The following TSHZ2 variants were observed in gnomAD, a reference collection of about 807,000 sequenced individuals.
The protein encoded by TSHZ2 is teashirt homolog 2.
TSHZ2 carries 21 observed loss-of-function variants against 74.4 expected under a neutral mutation model. The ratio of observed to expected loss-of-function variants is 0.28; its 90% CI spans 0.20 to 0.41. TSHZ2 has a LOEUF of 0.41. Ranked by LOEUF, TSHZ2 falls within the 10% of genes least tolerant of loss-of-function variation. The probability of loss-of-function intolerance (pLI) is 1.00; values close to 1 mark genes in which losing one functional copy is unlikely to be tolerated. For synonymous variants in TSHZ2, 540 were observed against 515.3 expected (o/e 1.05, Z -0.65); for missense variants, 1,244 against 1,293.5 (o/e 0.96, Z 0.59).
chr20:53,276,362 T>C (rs996014371), intron 2 of TSHZ2, among the ~76,000 whole-genome samples: 8 of 152,126 alleles, frequency 5.3e-5, no homozygotes, highest in African/African-American at 1.9e-4. Context: ...TCCAGGACAG[T>C]GTGTCTGCCA....
intron 1 of TSHZ2, among the ~76,000 whole-genome samples, chr20:53,217,584 A>G (rs1989465616): frequency 6.6e-6 from 1 of 152,198 alleles, no homozygotes; most frequent in South Asian, 2.1e-4. Context: ...GATGGGGACC[A>G]TGGCAGATCC....
chr20:53,097,140 C>T (rs573906984), intron 1 of TSHZ2, among the ~76,000 whole-genome samples: 1 of 152,188 alleles, frequency 6.6e-6, no homozygotes, highest in East Asian at 1.9e-4. Flanking sequence ...TGCCAAACAT[C>T]CCCTGGGACA....
intron 2 of TSHZ2, among the ~76,000 whole-genome samples, chr20:53,431,623 G>T (rs1384186013): frequency 6.6e-6 from 1 of 152,110 alleles, no homozygotes. Context: ...CAACAACCCT[G>T]TGAGGTAGGA....
intron 1 of TSHZ2, among the ~76,000 whole-genome samples, chr20:53,197,693 C>T (rs1337625062): frequency 2.0e-5 from 3 of 152,174 alleles, no homozygotes; most frequent in African/African-American, 4.8e-5. Context: ...CCGAGTCTCC[C>T]GTTTCTGCAA....
chr20:53,466,254 TAAAAATAAAAAAAAAAAAAGAAAGAG>T (rs1424312202), intron 2 of TSHZ2, among the ~76,000 whole-genome samples: 8 of 60,194 alleles, frequency 1.3e-4, no homozygotes, highest in Non-Finnish European at 1.4e-4. Flanking sequence ...CCTCGAAAAA[TAAAAATAAAAAAAAAAAAAGAAAGAG>T]AAAAAGGAAA....
At chr20:53,217,749 GGGCTACATTT>G (rs1193904621) in intron 1 of TSHZ2, among the ~76,000 whole-genome samples, 1 of 152,166 alleles carries the variant, frequency 6.6e-6, no homozygotes, top group South Asian at 2.1e-4. Context: ...ATATGGCTAA[GGGCTACATTT>G]GATCCACTGC....
intron 2 of TSHZ2, among the ~76,000 whole-genome samples, chr20:53,329,671 G>A (rs867185632): frequency 4.6e-5 from 7 of 152,020 alleles, no homozygotes; most frequent in Non-Finnish European, 5.9e-5. Context: ...GGGGGAGGGC[G>A]TAAAAAGAGG....
intron 1 of TSHZ2, among the ~76,000 whole-genome samples, chr20:53,027,113 CA>C (rs5841922): frequency 0.71 from 107,078 of 151,002 alleles, 38,816 homozygotes; most frequent in East Asian, 0.96. Context: ...TATTCTAATA[CA>C]AAAAAAAAAT....
chr20:53,471,803 CT>C (rs58027394), intron 2 of TSHZ2, among the ~76,000 whole-genome samples: 61,491 of 87,896 alleles, frequency 0.7, 20,546 homozygotes, highest in Admixed American at 0.76. Context: ...CTTTTCTTTT[CT>C]TTTTTTTTTT....
At chr20:53,103,813 C>T (rs911056144) in intron 1 of TSHZ2, among the ~76,000 whole-genome samples, 1 of 152,280 alleles carries the variant, frequency 6.6e-6, no homozygotes, top group Non-Finnish European at 1.5e-5. Flanking sequence ...CTTGCCACAC[C>T]TGGATTTTAA....
rs1322116348 is a variant in TSHZ2 at position 53,256,687 on chromosome 20, T to A, written c.*8+116T>A. ...AATGCCAAGCAGGATAGTAGCTTGC[T>A]GGAGTAGGATTTATTTTAATGAAAG... is the stretch of plus-strand genomic sequence containing the variant. On this transcript the variant is annotated intron_variant, in intron 2 of 2. Coordinates refer to ENST00000371497, the MANE Select transcript of TSHZ2 (RefSeq NM_173485.6). The surrounding 1 kb of genome is among the most constrained non-coding windows in gnomAD (Gnocchi z 4.3). The A allele has an allele frequency of 1.3e-5, 19 of 1,417,682 alleles. No individual in the cohort carries two copies. The East Asian group carries it at 4.3e-4, about 32-fold the overall frequency. 87.8% of individuals were successfully genotyped at this position (1,417,682 alleles called of 1,614,324 possible). A position where few individuals can be genotyped will look rare whatever the true frequency, so the allele number is the denominator to read the frequency against.
intron 1 of TSHZ2, among the ~76,000 whole-genome samples, chr20:53,048,587 G>A (rs1984314751): frequency 6.6e-6 from 1 of 152,154 alleles, no homozygotes; most frequent in African/African-American, 2.4e-5. Context: ...TCTTTGATTT[G>A]CCGGGCGTGG....
chr20:53,361,886 TTGTTGTTGTTGTTTG>T (rs1981066762), intron 2 of TSHZ2, among the ~76,000 whole-genome samples: 1 of 148,170 alleles, frequency 6.7e-6, no homozygotes, highest in South Asian at 2.2e-4. Flanking sequence ...TTTTCTTTTG[TTGTTGTTGTTGTTTG>T]TGTTGTTGTT....
chr20:53,178,113 A>T (rs931949090), intron 1 of TSHZ2: 1 of 152,146 alleles, frequency 6.6e-6, no homozygotes, highest in African/African-American at 2.4e-5. Flanking sequence ...GACCTGGATA[A>T]TTTCCATAAA....
chr20:53,247,282 C>T (rs1389136895), intron 1 of TSHZ2, among the ~76,000 whole-genome samples: 1 of 152,212 alleles, frequency 6.6e-6, no homozygotes, highest in East Asian at 1.9e-4. Context: ...CTCCAGCCAG[C>T]AAACACACTG....
At chr20:53,253,301 GAAAA>G (rs11290209) in intron 1 of TSHZ2, among the ~76,000 whole-genome samples, 194 bp from the exon 2 acceptor site, 5 of 97,584 alleles carry the variant, frequency 5.1e-5, no homozygotes, top group Non-Finnish European at 8.8e-5. Context: ...CCTGCCAATT[GAAAA>G]AAAAAAAAAA....
Position 53,063,726 on chromosome 20 carries a change from A to C in TSHZ2, c.40+90393A>C, listed in dbSNP as rs1301277917. ...GCCCAGGTACTCAACTTGAGCACAA[A>C]ATCACAGGCATGAATATGCAAGGAA... On this transcript the variant is annotated intron_variant, in intron 1 of 2. Transcript: ENST00000371497. Among the ~76,000 whole-genome samples, 5 of 152,244 alleles carry C rather than the reference A, an allele frequency of 3.3e-5. No individual in the cohort carries two copies. In the East Asian group the frequency reaches 9.6e-4, roughly 29 times the overall value.
rs373149702 is a variant in TSHZ2 at position 53,256,385 on chromosome 20, C to T, written c.2927C>T (p.Ser976Leu). Residue 976 changes from serine to leucine, a missense_variant, in exon 2 of 3, where the codon TCG becomes TTG. Around this residue, in one of 6 missense-constraint regions of TSHZ2, gnomAD observed 185 missense variants for 213.3 expected, o/e 0.87. Transcript: ENST00000371497. This position sits in a 1 kb window ranked among gnomAD's most constrained non-coding sequence, Gnocchi z 4.3. Reference sequence around the variant, plus strand: ...GAGCAAGAGATCTCCCGGGTATCGTCGGCTCAGAGGTCTCCAGAAACAATA... The same window carrying T: ...GAGCAAGAGATCTCCCGGGTATCGTTGGCTCAGAGGTCTCCAGAAACAATA... ...KVEQEISRVS[S>L]AQRSPETIAA... 2.0e-5 allele frequency: 33 copies of T among 1,613,134 alleles called. No homozygotes were observed. The highest frequency in any genetic ancestry group is 8.0e-5 in the African/African-American group (6 of 74,900).
chr20:53,250,335 A>G (rs1449974407), intron 1 of TSHZ2, among the ~76,000 whole-genome samples: 3 of 152,224 alleles, frequency 2.0e-5, no homozygotes, highest in African/African-American at 7.2e-5. Flanking sequence ...TTATTAAACA[A>G]GTCATCAATA....
Sources: gnomAD v4.1 joint callset for allele counts (sites outside exome capture counted in the v4.1 genomes callset) on GRCh38, gnomAD v4.1.1 for gene constraint, gnomAD v4.1.1 regional missense constraint, Gnocchi (gnomAD v3.1) non-coding constraint, MANE v1.5 for transcripts, NCBI Gene and HGNC (gene_info 2026-07-23, HGNC 2026-07-21) for gene names.